The following ZNF518A variants were observed in gnomAD, a reference collection of about 807,000 sequenced individuals.
The protein encoded by ZNF518A is zinc finger protein 518.
In ZNF518A, 47 loss-of-function variants were observed where a neutral mutation model predicts 102.7. The observed-to-expected ratio is 0.46, with a 90% confidence interval of 0.36 to 0.58. The LOEUF (loss-of-function observed/expected upper bound fraction) is 0.58. ZNF518A is among the 20% of genes least tolerant of loss of function. The pLI, the probability that ZNF518A is intolerant of heterozygous loss-of-function variation, is 0.00. For missense variants in ZNF518A, 1,793 were observed against 1,699.8 expected, an observed-to-expected ratio of 1.05 and a Z score of -0.96; for synonymous variants, 652 against 594.6, an observed-to-expected ratio of 1.10 and a Z score of -1.40.
chr10:96,171,776 C>A (rs2083175524), intron 1 of ZNF518A, among the ~76,000 whole-genome samples: 1 of 151,964 alleles, frequency 6.6e-6, no homozygotes, highest in African/African-American at 2.4e-5. Flanking sequence ...TGACTAGAAA[C>A]TTCCCAAGTT....
At chr10:96,155,687 T>C (rs1169043688) in intron 4 of ZNF518A, 1 of 152,202 alleles carries the variant, frequency 6.6e-6, no homozygotes, top group East Asian at 1.9e-4. Flanking sequence ...AGATTATCCC[T>C]GAGGAACTAA....
At chr10:96,203,027 C>T (rs898146970) in intron 1 of ZNF518A, among the ~76,000 whole-genome samples, 6 of 152,266 alleles carry the variant, frequency 3.9e-5, no homozygotes, top group South Asian at 2.1e-4. Context: ...TCAGCATTTA[C>T]CTGATATGAT....
chr10:96,166,625 A>G (rs2083142542), downstream of ZNF518A, among the ~76,000 whole-genome samples: 1 of 152,156 alleles, frequency 6.6e-6, no homozygotes, highest in Non-Finnish European at 1.5e-5. Context: ...AAAAATAGCC[A>G]GGCATGGCAG....
chr10:96,189,698 A>C (rs7081376), intron 1 of ZNF518A: 1 of 655,362 alleles, frequency 1.5e-6, no homozygotes, highest in Non-Finnish European at 2.8e-6. Context: ...TCATCATCAA[A>C]ATCATCATCA....
At chr10:96,191,123 G>A (rs1564807021) in intron 1 of ZNF518A, among the ~76,000 whole-genome samples, 1 of 151,900 alleles carries the variant, frequency 6.6e-6, no homozygotes, top group Admixed American at 6.6e-5. Flanking sequence ...CAGTTCCCCT[G>A]CACATGCTCT....
At chr10:96,144,404 A>G (rs1487971982) in intron 3 of ZNF518A, among the ~76,000 whole-genome samples, 1 of 152,066 alleles carries the variant, frequency 6.6e-6, no homozygotes, top group African/African-American at 2.4e-5. Flanking sequence ...TAATTTTATA[A>G]TTTTCCTATT....
chr10:96,144,977 C>A (rs896546677), intron 3 of ZNF518A, among the ~76,000 whole-genome samples: 4 of 152,100 alleles, frequency 2.6e-5, no homozygotes, highest in African/African-American at 9.7e-5. Context: ...GTTGGTGTTA[C>A]AATTTTTAGT....
chr10:96,159,635 G>C lies in ZNF518A; in HGVS notation c.3313G>C (p.Val1105Leu). Reference sequence around the variant, plus strand: ...CTTCTTGCCTGATGGCAAACAAGCTGTTTTTTTAAAGTGTGTGATGCCAAA... The same window carrying C: ...CTTCTTGCCTGATGGCAAACAAGCTCTTTTTTTAAAGTGTGTGATGCCAAA... The part of the protein sequence containing the change: ...YTFLPDGKQA[V>L]FLKCVMPNKT... The change falls in exon 6 of 6, where the codon GTT becomes CTT. Residue 1105 changes from valine to leucine, a missense_variant. Around this residue, in one of 3 missense-constraint regions of ZNF518A, gnomAD observed 1,741 missense variants for 1,622.6 expected, o/e 1.07. Coordinates refer to ENST00000316045, the MANE Select transcript of ZNF518A (RefSeq NM_001330736.2). 1 of 1,613,724 alleles carries C rather than the reference G, an allele frequency of 6.2e-7. No individual in the cohort carries two copies. Among genetic ancestry groups the C allele is most frequent in the Non-Finnish European group, 8.5e-7 (1 of 1,179,760 alleles).
intron 1 of ZNF518A, among the ~76,000 whole-genome samples, chr10:96,132,183 C>T (rs781808655): frequency 3.3e-5 from 5 of 151,058 alleles, no homozygotes; most frequent in Non-Finnish European, 5.9e-5. Context: ...GTGAGTATTT[C>T]AGTTCTATAT....
chr10:96,175,490 AG>A (rs2083197679), intron 1 of ZNF518A, among the ~76,000 whole-genome samples: 1 of 152,136 alleles, frequency 6.6e-6, no homozygotes, highest in Admixed American at 6.5e-5. Context: ...TTGGAATGCA[AG>A]AAGTTTATTG....
chr10:96,164,903 A>G (rs1345125083), downstream of ZNF518A, among the ~76,000 whole-genome samples: 1 of 152,248 alleles, frequency 6.6e-6, no homozygotes. Context: ...ACATCTTTCA[A>G]TTAAGGAGTG....
chr10:96,159,908 T>C lies in ZNF518A; in HGVS notation c.3586T>C (p.Leu1196=). 1.9e-6 allele frequency: 3 copies of C among 1,613,524 alleles called. No individual in the cohort carries two copies. Among genetic ancestry groups the C allele is most frequent in the Non-Finnish European group, 2.5e-6 (3 of 1,179,704 alleles). The change falls in exon 6 of 6, where the codon TTA becomes CTA. Residue 1196 remains leucine (L), a synonymous_variant. Coordinates refer to ENST00000316045, the MANE Select transcript of ZNF518A (RefSeq NM_001330736.2). ...AGAATCTAGAGATGCCTTACCCTTC[T>C]TACTAGATGACTTAATGCCAGCAAA... The part of the protein sequence containing the change: ...EPESRDALPF[L]LDDLMPANEI...
At chr10:96,175,264 A>G (rs1726280910) in intron 1 of ZNF518A, among the ~76,000 whole-genome samples, 1 of 152,218 alleles carries the variant, frequency 6.6e-6, no homozygotes, top group South Asian at 2.1e-4. Flanking sequence ...GCCTGGGGAC[A>G]TATAAAAATA....
chr10:96,164,071 A>AG (rs1554889477), downstream of ZNF518A, among the ~76,000 whole-genome samples: 1 of 152,216 alleles, frequency 6.6e-6, no homozygotes, highest in African/African-American at 2.4e-5. Context: ...TAGAGCAGAA[A>AG]TGCTGTGAGA....
At position 96,159,608 on chromosome 10, in the gene ZNF518A, ACC is replaced by A; in HGVS notation, c.3287_3288del (p.Thr1096IlefsTer4). On this transcript the variant is annotated frameshift_variant, in exon 6 of 6. Coordinates refer to ENST00000316045, the MANE Select transcript of ZNF518A (RefSeq NM_001330736.2). LOFTEE classifies it high-confidence loss of function. ...GATTTTTCCAAAACCACCTCTTTAT[ACC>A]TTCTTGCCTGATGGCAAACAAGCTG... ...NEIFPKPPLY[T>X]FLPDGKQAVF... The A allele has an allele frequency of 6.2e-7, 1 of 1,613,844 alleles. No homozygotes were observed. Among genetic ancestry groups the A allele is most frequent in the Non-Finnish European group, 8.5e-7 (1 of 1,179,784 alleles).
rs61729856 is a variant in ZNF518A, at chr10:96,159,793, T to G, written c.3471T>G (p.Ala1157=). Residue 1157 remains alanine (A), a synonymous_variant, in exon 6 of 6, where the codon GCT becomes GCG. Transcript: ENST00000316045. ...IFNPVLNVTA[A]NNLSVSNSAS... ...ACCCTGTTTTAAATGTGACTGCTGCTAATAATCTGTCAGTAAGCAACTCTG... is the reference window on the plus strand; with the variant it reads ...ACCCTGTTTTAAATGTGACTGCTGCGAATAATCTGTCAGTAAGCAACTCTG... 0.067 allele frequency: 107,503 copies of G among 1,613,598 alleles called. 4,136 individuals carry two copies. The highest frequency in any genetic ancestry group is 0.078 in the Middle Eastern group (473 of 6,060).
chr10:96,165,229 C>T (rs1232261535), downstream of ZNF518A, among the ~76,000 whole-genome samples: 3 of 152,062 alleles, frequency 2.0e-5, no homozygotes, highest in East Asian at 1.9e-4. Flanking sequence ...GTTCAAGTAC[C>T]GCTCCTGTAG....
chr10:96,157,147 A>T lies in ZNF518A; in HGVS notation c.825A>T (p.Glu275Asp), dbSNP rs1554883055. ...GTAGCTATGGTGCCACCAGGAGAGA[A>T]CACCTTGTAAGACATGTTATAACTT... ...QYCSYGATRR[E>D]HLVRHVITLH... is the part of the protein sequence containing the mutation. The change falls in exon 6 of 6, where the codon GAA (glutamate) becomes GAT (aspartate). Residue 275 changes from glutamate (E) to aspartate (D), a missense_variant. This residue lies in a region of ZNF518A where 1,741 missense variants were observed against 1,622.6 expected (regional missense o/e 1.07). Transcript: ENST00000316045. 1 of 1,613,756 alleles carries T rather than the reference A, an allele frequency of 6.2e-7. No individual in the cohort carries two copies.
At chr10:96,131,490 C>T (rs1554871831) in intron 1 of ZNF518A, among the ~76,000 whole-genome samples, 1 of 152,030 alleles carries the variant, frequency 6.6e-6, no homozygotes, top group Non-Finnish European at 1.5e-5. Flanking sequence ...GTTGGGATTT[C>T]CTGGGGAAGG....
Sources: gnomAD v4.1 joint callset for allele counts (sites outside exome capture counted in the v4.1 genomes callset) on GRCh38, gnomAD v4.1.1 for gene constraint, gnomAD v4.1.1 regional missense constraint, MANE v1.5 for transcripts, NCBI Gene and HGNC (gene_info 2026-07-23, HGNC 2026-07-21) for gene names.